The following CRACDL variants were observed in gnomAD, a reference collection of about 807,000 sequenced individuals.
CRACDL encodes CRACD-like protein.
A neutral mutation model predicts 70.6 loss-of-function variants in CRACDL; 26 were observed. The ratio of observed to expected loss-of-function variants is 0.37; its 90% CI spans 0.27 to 0.51. CRACDL has a LOEUF of 0.51. Ranked by LOEUF, CRACDL falls within the 20% of genes least tolerant of loss-of-function variation. The probability of loss-of-function intolerance (pLI) is 0.94; values close to 1 mark genes in which losing one functional copy is unlikely to be tolerated. For missense variants in CRACDL, 1,283 were observed against 1,376.9 expected, an observed-to-expected ratio of 0.93 and a Z score of 1.08; for synonymous variants, 618 against 615.2, an observed-to-expected ratio of 1.00 and a Z score of -0.07.
At chr2:98,797,282 T>A in intron 8 of CRACDL, 68 bp downstream of exon 8, 1 of 1,470,822 alleles carries the variant, frequency 6.8e-7, no homozygotes, top group Non-Finnish European at 9.4e-7. Flanking sequence ...CCTTACAGGG[T>A]CCTCGCCCCA....
chr2:98,895,434 T>TGC (rs1708093659), intron 1 of CRACDL, among the ~76,000 whole-genome samples: 1 of 151,670 alleles, frequency 6.6e-6, no homozygotes, highest in South Asian at 2.1e-4. Flanking sequence ...ACAAATACGG[T>TGC]GCGTGGGAAG....
intron 1 of CRACDL, among the ~76,000 whole-genome samples, chr2:98,882,430 G>A (rs1241004347): frequency 6.6e-6 from 1 of 152,256 alleles, no homozygotes; most frequent in Non-Finnish European, 1.5e-5. Context: ...TCAGGCCCAG[G>A]AGAGTGAAGC....
chr2:98,922,188 C>T (rs1023744891), intron 1 of CRACDL, among the ~76,000 whole-genome samples: 5 of 151,974 alleles, frequency 3.3e-5, no homozygotes, highest in African/African-American at 1.2e-4. Context: ...GTGATCCCAG[C>T]ACTTTGGGAG....
rs893626589 is a variant in CRACDL, at chr2:98,916,284, A to G, written c.-11+19654T>C. ...CCATTTAAGCCAAATCCTAGGAAAC[A>G]GTGTGAACTGAGTAATAGGGATAGA... is the stretch of plus-strand genomic sequence containing the variant. On this transcript the variant is annotated intron_variant, in intron 1 of 9. Coordinates refer to ENST00000397899, the MANE Select transcript of CRACDL (RefSeq NM_207362.3). Among the ~76,000 whole-genome samples, 7 of 152,238 alleles carry G rather than the reference A, an allele frequency of 4.6e-5. 1 individual carries two copies. Among genetic ancestry groups the G allele is most frequent in the Admixed American group, 3.3e-4 (5 of 15,288 alleles).
intron 1 of CRACDL, among the ~76,000 whole-genome samples, chr2:98,861,319 C>A (rs1277265248): frequency 6.6e-6 from 1 of 152,098 alleles, no homozygotes; most frequent in Non-Finnish European, 1.5e-5. Context: ...TGCACTCCAG[C>A]GTGGGTGACA....
intron 7 of CRACDL, 104 bp from the exon 8 acceptor site, chr2:98,797,641 G>T: frequency 3.6e-6 from 4 of 1,096,742 alleles, no homozygotes; most frequent in Non-Finnish European, 4.0e-6. Flanking sequence ...GTTCAGGGTT[G>T]CAGGGTGTCT....
chr2:98,876,036 C>G (rs1224587038), intron 1 of CRACDL, among the ~76,000 whole-genome samples: 1 of 152,220 alleles, frequency 6.6e-6, no homozygotes, highest in Non-Finnish European at 1.5e-5. Context: ...AGCTTGCAAA[C>G]TGGTTTCTTA....
chr2:98,816,862 C>T (rs1229504910), intron 7 of CRACDL, among the ~76,000 whole-genome samples: 1 of 152,086 alleles, frequency 6.6e-6, no homozygotes, highest in Non-Finnish European at 1.5e-5. Flanking sequence ...GGTATATACC[C>T]AAAATAACTG....
At chr2:98,905,033 G>A (rs529608887) in intron 1 of CRACDL, among the ~76,000 whole-genome samples, 4 of 151,936 alleles carry the variant, frequency 2.6e-5, no homozygotes, top group East Asian at 1.9e-4. Context: ...GGTGGATCAC[G>A]AGGTCAGGAG....
At chr2:98,929,042 C>G (rs531128644) in intron 1 of CRACDL, among the ~76,000 whole-genome samples, 1 of 152,044 alleles carries the variant, frequency 6.6e-6, no homozygotes, top group African/African-American at 2.4e-5. Flanking sequence ...CCCTCCTCAC[C>G]TCCACTGGCC....
chr2:98,883,828 C>T (rs1424294397), intron 1 of CRACDL, among the ~76,000 whole-genome samples: 1 of 152,108 alleles, frequency 6.6e-6, no homozygotes, highest in Non-Finnish European at 1.5e-5. Flanking sequence ...TGTTTAGGAC[C>T]GAATGAGATG....
chr2:98,903,189 T>G (rs1432864927), intron 1 of CRACDL, among the ~76,000 whole-genome samples: 1 of 152,074 alleles, frequency 6.6e-6, no homozygotes, highest in Non-Finnish European at 1.5e-5. Context: ...GGGCTTCACA[T>G]GAACTGGCAG....
intron 1 of CRACDL, among the ~76,000 whole-genome samples, chr2:98,871,656 G>A (rs775770621): frequency 2.4e-4 from 36 of 152,178 alleles, no homozygotes; most frequent in Non-Finnish European, 4.3e-4. Context: ...TTCACTTCTG[G>A]GGAATTTGTC....
chr2:98,844,474 C>T (rs1217378675), intron 2 of CRACDL, among the ~76,000 whole-genome samples: 1 of 152,122 alleles, frequency 6.6e-6, no homozygotes, highest in Non-Finnish European at 1.5e-5. Flanking sequence ...GCCATAGTTC[C>T]CCTTTTCATA....
At chr2:98,901,967 A>G (rs938115184) in intron 1 of CRACDL, among the ~76,000 whole-genome samples, 2 of 152,168 alleles carry the variant, frequency 1.3e-5, no homozygotes, top group Non-Finnish European at 2.9e-5. Flanking sequence ...GGTGGGCGCA[A>G]TGAAGTCTGG....
chr2:98,876,937 C>T (rs1232392464), intron 1 of CRACDL, among the ~76,000 whole-genome samples: 1 of 152,216 alleles, frequency 6.6e-6, no homozygotes, highest in East Asian at 1.9e-4. Context: ...GTAACCACAG[C>T]TTCCACTTTT....
At chr2:98,902,355 C>T (rs536381886) in intron 1 of CRACDL, among the ~76,000 whole-genome samples, 3 of 152,254 alleles carry the variant, frequency 2.0e-5, no homozygotes, top group African/African-American at 7.2e-5. Context: ...CCGTGATGAC[C>T]CTGCCTCTCA....
chr2:98,901,944 A>AGC (rs1159546153), intron 1 of CRACDL, among the ~76,000 whole-genome samples: 1 of 152,188 alleles, frequency 6.6e-6, no homozygotes, highest in Admixed American at 6.5e-5. Context: ...ACACAAGAGA[A>AGC]GCTGCGAACA....
intron 3 of CRACDL, among the ~76,000 whole-genome samples, chr2:98,834,332 T>C (rs1225917600): frequency 6.6e-6 from 1 of 152,240 alleles, no homozygotes; most frequent in African/African-American, 2.4e-5. Context: ...TGCCCCTCAG[T>C]AGGCATCTAA....
Sources: gnomAD v4.1 joint callset for allele counts (sites outside exome capture counted in the v4.1 genomes callset) on GRCh38, gnomAD v4.1.1 for gene constraint, MANE v1.5 for transcripts, NCBI Gene and HGNC (gene_info 2026-07-23, HGNC 2026-07-21) for gene names.